The following TOX3 variants were observed in gnomAD, a reference collection of about 807,000 sequenced individuals.
The protein encoded by TOX3 is TOX high mobility group box family member 3.
A neutral mutation model predicts 64.3 loss-of-function variants in TOX3; 22 were observed. That is an observed-to-expected ratio of 0.34 (90% CI 0.24 to 0.49). The LOEUF is 0.49. Ranked by LOEUF, TOX3 falls within the 20% of genes least tolerant of loss-of-function variation. The pLI, the probability that TOX3 is intolerant of heterozygous loss-of-function variation, is 0.99. For missense variants in TOX3, 661 were observed against 714.4 expected, an observed-to-expected ratio of 0.93 and a Z score of 0.85; for synonymous variants, 291 against 273.6, an observed-to-expected ratio of 1.06 and a Z score of -0.63.
intron 3 of TOX3, among the ~76,000 whole-genome samples, chr16:52,452,478 A>C (rs1171302074): frequency 6.7e-6 from 1 of 149,634 alleles, no homozygotes. Context: ...TTCTTAATCC[A>C]GTCTATTGTT....
chr16:52,492,104 T>C (rs1401805796), intron 1 of TOX3, among the ~76,000 whole-genome samples: 1 of 151,862 alleles, frequency 6.6e-6, no homozygotes, highest in Admixed American at 6.6e-5. Context: ...GAAATCTATT[T>C]CTCAAAATGG....
chr16:52,472,742 C>T (rs1296965976), intron 1 of TOX3, among the ~76,000 whole-genome samples: 1 of 152,126 alleles, frequency 6.6e-6, no homozygotes, highest in Non-Finnish European at 1.5e-5. Context: ...AGAAATCAGG[C>T]AATTCCAACT....
chr16:52,547,779 C>G (rs1212483302), upstream of TOX3: 7 of 152,176 alleles, frequency 4.6e-5, no homozygotes, highest in African/African-American at 1.7e-4. Context: ...TTGAAGCTTC[C>G]CAGGTGAAGC....
chr16:52,498,973 C>G (rs1020150795), intron 1 of TOX3, among the ~76,000 whole-genome samples: 1 of 152,188 alleles, frequency 6.6e-6, no homozygotes, highest in Admixed American at 6.5e-5. Flanking sequence ...CATTCTTACC[C>G]TAACACAATG....
intron 1 of TOX3, among the ~76,000 whole-genome samples, chr16:52,479,409 T>A (rs542621045): frequency 1.3e-5 from 2 of 152,278 alleles, no homozygotes; most frequent in Non-Finnish European, 2.9e-5. Context: ...CTTGCGAATG[T>A]TTGCAGGTAG....
At chr16:52,491,838 T>A (rs1390405080) in intron 1 of TOX3, among the ~76,000 whole-genome samples, 1 of 152,154 alleles carries the variant, frequency 6.6e-6, no homozygotes, top group Non-Finnish European at 1.5e-5. Flanking sequence ...GGGTTTCACA[T>A]CAAAGATGAG....
chr16:52,477,367 C>CAG (rs575043581), intron 1 of TOX3, among the ~76,000 whole-genome samples: 6 of 151,600 alleles, frequency 4.0e-5, no homozygotes, highest in Admixed American at 1.3e-4. Flanking sequence ...AGGAAGGAGG[C>CAG]AGAGAGAGAG....
chr16:52,447,538 C>T (rs540511992), intron 4 of TOX3, among the ~76,000 whole-genome samples: 3 of 152,188 alleles, frequency 2.0e-5, no homozygotes, highest in African/African-American at 7.2e-5. Flanking sequence ...ACTGTTTGCA[C>T]TATTTAAGTG....
chr16:52,436,687 G>C lies in TOX3; in HGVS notation c.*2538C>G, dbSNP rs1959764735. On this transcript the variant is annotated 3_prime_UTR_variant, in exon 7 of 7. Coordinates refer to ENST00000219746, the MANE Select transcript of TOX3 (RefSeq NM_001080430.4). ...AGTCATTAAACTTTTTTTTTCCTCT[G>C]GAATTGACCATCAGTGGCTTAGCAG... 6.6e-6 allele frequency: 1 copy of C among 151,524 alleles called. No individual in the cohort carries two copies. Among genetic ancestry groups the C allele is most frequent in the Admixed American group, 6.6e-5 (1 of 15,232 alleles). The allele number at this position is 151,524 out of a possible 1,614,324, so 9.4% of individuals were successfully genotyped here.
intron 6 of TOX3, among the ~76,000 whole-genome samples, chr16:52,440,730 TA>T (rs1475162760): frequency 2.0e-5 from 3 of 150,878 alleles, no homozygotes; most frequent in African/African-American, 7.3e-5. Context: ...AACATTGGGT[TA>T]TATGGTATTT....
chr16:52,540,975 C>T (rs549039348), intron 1 of TOX3, among the ~76,000 whole-genome samples: 1 of 152,242 alleles, frequency 6.6e-6, no homozygotes, highest in Admixed American at 6.5e-5. Context: ...CTGTTCTCTG[C>T]AGCCCAAAGC....
At position 52,450,588 on chromosome 16, in the gene TOX3, C is replaced by G. The variant is rs770535066; in HGVS notation, c.409-42G>C. 10 of 1,610,668 alleles carry G rather than the reference C, an allele frequency of 6.2e-6. No homozygotes were observed. The East Asian group carries it at 2.0e-4, about 32-fold the overall frequency. On this transcript the variant is annotated intron_variant, in intron 3 of 6. Coordinates refer to ENST00000219746, the MANE Select transcript of TOX3 (RefSeq NM_001080430.4). ...AAAGGGGGAAAATATTTCAGCTTTT[C>G]CAGATATCAGTGAACTTATCAGGTT...
chr16:52,523,053 G>A (rs1260014672), intron 1 of TOX3, among the ~76,000 whole-genome samples: 1 of 152,190 alleles, frequency 6.6e-6, no homozygotes, highest in Non-Finnish European at 1.5e-5. Flanking sequence ...AGGGAATGTT[G>A]AATGGTAGTA....
chr16:52,504,100 G>A (rs1004875149), intron 1 of TOX3, among the ~76,000 whole-genome samples: 27 of 152,138 alleles, frequency 1.8e-4, no homozygotes, highest in African/African-American at 5.8e-4. Flanking sequence ...GCATATGCCA[G>A]CCGTTCCTAG....
Position 52,546,656 on chromosome 16 carries a change from C to A in TOX3, c.68G>T (p.Gly23Val), listed in dbSNP as rs1277600052. The change falls in exon 1 of 7, where the codon GGG becomes GTG. Residue 23 changes from glycine (G) to valine (V), a missense_variant. Physicochemically the swap from Gly to Val is moderately radical, Grantham distance 109. Around this residue, in one of 3 missense-constraint regions of TOX3, gnomAD observed 259 missense variants for 261.2 expected, o/e 0.99. Transcript: ENST00000219746. Reference protein sequence around the residue: ...PASLDFAQCLGYYGYSKFGNN... With the variant: ...PASLDFAQCLVYYGYSKFGNN... ...GGTCACCTTGCTGTAGCCGTAGTAC[C>A]CCAGGCACTGCGCGAAGTCCAGGCT... 16 of 1,542,748 alleles carry A rather than the reference C, an allele frequency of 1.0e-5. No homozygotes were observed. Among genetic ancestry groups the A allele is most frequent in the Non-Finnish European group, 1.4e-5 (16 of 1,147,254 alleles).
chr16:52,460,501 C>T (rs2151753161), intron 3 of TOX3, among the ~76,000 whole-genome samples: 1 of 152,262 alleles, frequency 6.6e-6, no homozygotes, highest in East Asian at 1.9e-4. Context: ...CACTACTGCT[C>T]TCTGAAATGT....
chr16:52,529,146 T>G (rs1962791169), intron 1 of TOX3, among the ~76,000 whole-genome samples: 4 of 152,188 alleles, frequency 2.6e-5, no homozygotes, highest in Admixed American at 1.3e-4. Context: ...GATAAGAGAG[T>G]GCAAACATTA....
rs760342139 is a variant in TOX3, at chr16:52,450,411, G to A, written c.544C>T (p.Leu182Phe). ...AQLTTINQSQ[L>F]SAQLGLNLGG... ...AAATTCAACCCCAACTGGGCGCTGA[G>A]CTGAGACTGGTTGATGGTGGTGAGC... is the stretch of plus-strand genomic sequence containing the variant. The change falls in exon 4 of 7, where the codon CTC (leucine) becomes TTC (phenylalanine). Residue 182 changes from leucine to phenylalanine, a missense_variant. Physicochemically the swap from Leu to Phe is conservative, Grantham distance 22. Transcript: ENST00000219746. 2.5e-6 allele frequency: 4 copies of A among 1,614,022 alleles called. No homozygotes were observed. In the Admixed American group the frequency reaches 5.0e-5, roughly 20 times the overall value.
chr16:52,525,382 G>A (rs1202935046), intron 1 of TOX3, among the ~76,000 whole-genome samples: 8 of 152,076 alleles, frequency 5.3e-5, no homozygotes, highest in African/African-American at 1.4e-4. Context: ...GACAATAAAG[G>A]ACATACAAAA....
Sources: allele counts gnomAD v4.1 joint callset (sites outside exome capture counted in the v4.1 genomes callset), GRCh38; gene constraint gnomAD v4.1.1; regional missense constraint gnomAD v4.1.1; transcripts MANE v1.5; gene names NCBI Gene and HGNC (gene_info 2026-07-23, HGNC 2026-07-21).